The following HIVEP2 variants were observed in gnomAD, a reference collection of about 807,000 sequenced individuals.
The protein encoded by HIVEP2 is transcription factor HIVEP2.
A neutral mutation model predicts 180.7 loss-of-function variants in HIVEP2; 14 were observed. That is an observed-to-expected ratio of 0.08 (90% CI 0.05 to 0.12). HIVEP2 has a LOEUF of 0.12. Among genes scored for constraint, HIVEP2 ranks in the 10% least tolerant of loss-of-function variants. The pLI is 1.00. For missense variants in HIVEP2, 2,579 were observed against 3,008.5 expected (o/e 0.86, Z 3.34); for synonymous variants, 1,184 against 1,136.4 (o/e 1.04, Z -0.84).
At chr6:142,872,980 C>G (rs1381762540) in intron 1 of HIVEP2, among the ~76,000 whole-genome samples, 1 of 152,180 alleles carries the variant, frequency 6.6e-6, no homozygotes, top group Non-Finnish European at 1.5e-5. Flanking sequence ...AAGGATCTAA[C>G]AAGGTCACAA....
At chr6:142,802,563 T>A (rs1340500567) in intron 2 of HIVEP2, among the ~76,000 whole-genome samples, 1 of 152,190 alleles carries the variant, frequency 6.6e-6, no homozygotes, top group African/African-American at 2.4e-5. Context: ...TAAATCATGT[T>A]CACAGCTCTA....
intron 1 of HIVEP2, among the ~76,000 whole-genome samples, chr6:142,921,725 T>G (rs1777687494): frequency 6.6e-6 from 1 of 152,208 alleles, no homozygotes; most frequent in Admixed American, 6.5e-5. Flanking sequence ...AACCAGTAGT[T>G]AATCCTAATC....
At chr6:142,788,550 T>TA (rs1204972363) in intron 2 of HIVEP2, 1 of 152,150 alleles carries the variant, frequency 6.6e-6, no homozygotes, top group Non-Finnish European at 1.5e-5. Context: ...CTGTTTCTAC[T>TA]AAAAATACAA....
At chr6:142,885,228 G>T (rs1419099141) in intron 1 of HIVEP2, among the ~76,000 whole-genome samples, 1 of 152,082 alleles carries the variant, frequency 6.6e-6, no homozygotes, top group Admixed American at 6.5e-5. Context: ...TCCAGGAAAT[G>T]CACCTTTCCC....
chr6:142,772,272 C>T lies in HIVEP2; in HGVS notation c.2467G>A (p.Val823Met), dbSNP rs769961243. The T allele has an allele frequency of 6.2e-7, 1 of 1,614,230 alleles. No homozygotes were observed. The highest frequency in any genetic ancestry group is 8.5e-7 in the Non-Finnish European group (1 of 1,180,056). The stretch of plus-strand genomic sequence containing the variant: ...GGGGCTTTATCCTGTGTGCAAGCCA[C>T]AAGTTCGGCTGACTCAGACCTTTCA... Reference protein sequence around the residue: ...SFERSESAELVACTQDKAPSP... With the variant: ...SFERSESAELMACTQDKAPSP... Residue 823 changes from valine to methionine, a missense_variant, in exon 5 of 10, where the codon GTG (valine) becomes ATG (methionine). Around this residue, in one of 11 missense-constraint regions of HIVEP2, gnomAD observed 524 missense variants for 563.6 expected, o/e 0.93. Transcript: ENST00000367603. This position sits in a 1 kb window ranked among gnomAD's most constrained non-coding sequence, Gnocchi z 4.9.
In HIVEP2 at chr6:142,877,075, G is replaced by A. The variant is rs1032744143; in HGVS notation, c.-640-40028C>T. ...AATAAAAACATTAAAGTAAATAAAG[G>A]TAAAAATAAGGCATAACAGTTTCTA... On this transcript the variant is annotated intron_variant, in intron 1 of 9. Transcript: ENST00000367603. Among the ~76,000 whole-genome samples the A allele has an allele frequency of 5.9e-5, 9 of 152,122 alleles. No individual in the cohort carries two copies. The East Asian group carries it at 1.7e-3, about 29-fold the overall frequency.
At chr6:142,803,899 A>G (rs1338971970) in intron 2 of HIVEP2, among the ~76,000 whole-genome samples, 6 of 152,132 alleles carry the variant, frequency 3.9e-5, no homozygotes, top group African/African-American at 1.4e-4. Context: ...CAGGAAAGGA[A>G]CCAAATCATC....
At chr6:142,845,571 C>G (rs898906542) in intron 1 of HIVEP2, among the ~76,000 whole-genome samples, 10 of 152,192 alleles carry the variant, frequency 6.6e-5, no homozygotes, top group African/African-American at 2.4e-4. Context: ...CCAGAAGTTA[C>G]AGAGTTAAAT....
In HIVEP2 at chr6:142,771,396, G is replaced by A. The variant is rs1179177419; in HGVS notation, c.3343C>T (p.Leu1115Phe). ...GGGCCATGGTGCCACCCGGACCGGA[G>A]GCCAGCATGCAGGTGCTCCAGCTGC... ...QEQLEHLHAG[L>F]RSGWHHGPPA... Residue 1115 changes from leucine (L) to phenylalanine (F), a missense_variant, in exon 5 of 10, where the codon CTC becomes TTC. Physicochemically the swap from Leu to Phe is conservative, Grantham distance 22 (BLOSUM62 0). Transcript: ENST00000367603. This position sits in a 1 kb window ranked among gnomAD's most constrained non-coding sequence, Gnocchi z 5.4. 1 of 1,613,238 alleles carries A rather than the reference G, an allele frequency of 6.2e-7. No homozygotes were observed. Among genetic ancestry groups the A allele is most frequent in the East Asian group, 2.2e-5 (1 of 44,878 alleles).
intron 2 of HIVEP2, among the ~76,000 whole-genome samples, chr6:142,827,523 C>T (rs967274074): frequency 3.9e-5 from 6 of 152,184 alleles, no homozygotes; most frequent in Admixed American, 2.0e-4. Flanking sequence ...TGTCTGTGTG[C>T]GCGCACGCAC....
intron 1 of HIVEP2, among the ~76,000 whole-genome samples, chr6:142,852,892 C>A (rs1404281732): frequency 6.6e-6 from 1 of 152,118 alleles, no homozygotes; most frequent in East Asian, 1.9e-4. Context: ...GATAAACATT[C>A]CTATCTTTGA....
Position 142,774,625 on chromosome 6 carries a change from A to C in HIVEP2, c.114T>G (p.Thr38=). The part of the protein sequence containing the change: ...QEQSAVIKMS[T]FGSHEGQRQP... ...GCCGCTGTCCTTCATGACTGCCAAA[A>C]GTGCTCATCTTAATAACAGCTGATT... Residue 38 remains threonine, a synonymous_variant, in exon 5 of 10, where the codon ACT becomes ACG. Transcript: ENST00000367603. This position sits in a 1 kb window ranked among gnomAD's most constrained non-coding sequence, Gnocchi z 5.1. 6.2e-7 allele frequency: 1 copy of C among 1,614,196 alleles called. No homozygotes were observed. The highest frequency in any genetic ancestry group is 8.5e-7 in the Non-Finnish European group (1 of 1,180,040).
intron 1 of HIVEP2, among the ~76,000 whole-genome samples, chr6:142,915,802 C>G (rs1317214528): frequency 1.3e-5 from 2 of 152,176 alleles, no homozygotes; most frequent in East Asian, 3.9e-4. Context: ...ACATTAAGGA[C>G]ACCCACTTCC....
Position 142,753,410 on chromosome 6 carries a change from G to A in HIVEP2, c.7038C>T (p.Leu2346=), listed in dbSNP as rs762496176. Reference sequence around the variant, plus strand: ...GCACCCGCGCTGGCTGATCTGGCCCGAGCAGAGCTGCCTCTTCCGTGGCAA... The same window carrying A: ...GCACCCGCGCTGGCTGATCTGGCCCAAGCAGAGCTGCCTCTTCCGTGGCAA... ...LRIATEEAAL[L]GPDQPARVQE... is the part of the protein sequence containing the mutation. The change falls in exon 10 of 10, where the codon CTC becomes CTT. Residue 2346 remains leucine, a synonymous_variant. Coordinates refer to ENST00000367603, the MANE Select transcript of HIVEP2 (RefSeq NM_006734.4). 5.0e-6 allele frequency: 8 copies of A among 1,613,958 alleles called. No individual in the cohort carries two copies. Among genetic ancestry groups the A allele is most frequent in the East Asian group, 2.2e-5 (1 of 44,884 alleles).
chr6:142,913,631 C>G (rs1412009618), intron 1 of HIVEP2, among the ~76,000 whole-genome samples: 1 of 152,180 alleles, frequency 6.6e-6, no homozygotes, highest in Admixed American at 6.5e-5. Flanking sequence ...GAAATGAAAC[C>G]AAGTAACGTG....
At chr6:142,881,024 G>A (rs1776564095) in intron 1 of HIVEP2, among the ~76,000 whole-genome samples, 2 of 152,082 alleles carry the variant, frequency 1.3e-5, no homozygotes, top group South Asian at 4.1e-4. Context: ...AGTTTCTTGA[G>A]GAAATAAGTT....
chr6:142,782,376 T>A (rs1296740432), intron 3 of HIVEP2, among the ~76,000 whole-genome samples: 3 of 152,152 alleles, frequency 2.0e-5, no homozygotes, highest in African/African-American at 7.2e-5. Context: ...ACTTAGACAC[T>A]CATTGCCCAA....
intron 1 of HIVEP2, among the ~76,000 whole-genome samples, chr6:142,881,225 A>G (rs937711359): frequency 6.6e-6 from 1 of 152,212 alleles, no homozygotes; most frequent in African/African-American, 2.4e-5. Context: ...AATTTTGGAT[A>G]TGGCCTTATC....
At chr6:142,785,625 C>T (rs1775980849) in intron 2 of HIVEP2, among the ~76,000 whole-genome samples, 1 of 152,190 alleles carries the variant, frequency 6.6e-6, no homozygotes, top group Non-Finnish European at 1.5e-5. Context: ...CGTGAGTGCC[C>T]CCCAACAAGC....
Sources: allele counts gnomAD v4.1 joint callset (sites outside exome capture counted in the v4.1 genomes callset), GRCh38; gene constraint gnomAD v4.1.1; regional missense constraint gnomAD v4.1.1; non-coding constraint Gnocchi (gnomAD v3.1); transcripts MANE v1.5; gene names NCBI Gene and HGNC (gene_info 2026-07-23, HGNC 2026-07-21).